BCAR1: variants seen among roughly 807,000 people sequenced by gnomAD.
The protein encoded by BCAR1 is BCAR1 scaffold protein, Cas family member, also known as breast cancer anti-estrogen resistance protein 1.
A neutral mutation model predicts 67.6 loss-of-function variants in BCAR1; 30 were observed. The ratio of observed to expected loss-of-function variants is 0.44; its 90% CI spans 0.33 to 0.60. The LOEUF (loss-of-function observed/expected upper bound fraction) is 0.60, where lower values mean the gene tolerates loss of function less well. Ranked by LOEUF, BCAR1 falls within the 20% of genes least tolerant of loss-of-function variation. The pLI, the probability that BCAR1 is intolerant of heterozygous loss-of-function variation, is 0.02. For missense variants in BCAR1, 1,313 were observed against 1,222.3 expected, an observed-to-expected ratio of 1.07 and a Z score of -1.11; for synonymous variants, 626 against 556.7, an observed-to-expected ratio of 1.12 and a Z score of -1.75.
chr16:75,236,923 G>T lies in BCAR1; in HGVS notation c.871C>A (p.Pro291Thr). Residue 291 changes from proline to threonine, a missense_variant, in exon 4 of 7, where the codon CCC becomes ACC. Pro to Thr is a conservative substitution (Grantham distance 38, BLOSUM62 -1). Coordinates refer to ENST00000162330, the MANE Select transcript of BCAR1 (RefSeq NM_014567.5). ...DPLLEVYDVPPSVEKGLPPSN... is the reference protein window; with the variant it reads ...DPLLEVYDVPTSVEKGLPPSN... ...GGTGGCAGGCCCTTCTCCACACTGGGGGGCACGTCATACACCTCCAGCAAC... is the reference window on the plus strand; with the variant it reads ...GGTGGCAGGCCCTTCTCCACACTGGTGGGCACGTCATACACCTCCAGCAAC... 1 of 1,612,822 alleles carries T rather than the reference G, an allele frequency of 6.2e-7. No individual in the cohort carries two copies.
intron 1 of BCAR1, chr16:75,266,135 C>G (rs2078005870): frequency 4.3e-6 from 3 of 695,204 alleles, no homozygotes; most frequent in South Asian, 6.5e-5. Flanking sequence ...CGCTCCTCGC[C>G]GATCCCTCGC....
In BCAR1 at chr16:75,235,847, G is replaced by C; in HGVS notation, c.1052C>G (p.Pro351Arg). 1 of 1,568,984 alleles carries C rather than the reference G, an allele frequency of 6.4e-7. No homozygotes were observed. Among genetic ancestry groups the C allele is most frequent in the Non-Finnish European group, 8.6e-7 (1 of 1,158,790 alleles). The change falls in exon 5 of 7, where the codon CCC becomes CGC. Residue 351 changes from proline (P) to arginine (R), a missense_variant. Pro to Arg is a moderately radical substitution (Grantham distance 103). Around this residue, in one of 2 missense-constraint regions of BCAR1, gnomAD observed 1,272 missense variants for 1,137.5 expected, o/e 1.12. Coordinates refer to ENST00000162330, the MANE Select transcript of BCAR1 (RefSeq NM_014567.5). The stretch of plus-strand genomic sequence containing the variant: ...CTCGGCCGGCGGGGAGTCTGGAGGG[G>C]GCGCAGCCAGTACCAGTGGGGTGCG... ...PARTPLVLAA[P>R]PPDSPPAEDV...
Position 75,242,642 on chromosome 16 carries a change from T to C in BCAR1, c.461A>G (p.His154Arg). 6.6e-7 allele frequency: 1 copy of C among 1,518,616 alleles called. No homozygotes were observed. Among genetic ancestry groups the C allele is most frequent in the African/African-American group, 1.4e-5 (1 of 71,650 alleles). 94.1% of individuals were successfully genotyped at this position (1,518,616 alleles called of 1,614,324 possible). Residue 154 changes from histidine to arginine, a missense_variant, in exon 2 of 7, where the codon CAT becomes CGT. By Grantham distance (29) the His-to-Arg change is conservative. Transcript: ENST00000162330. Reference sequence around the variant, plus strand: ...TGTGGCCGGGCTGGGAAACGGGTGATGGGGTGTCTGCTTCGAGAAGGTGGA... The same window carrying C: ...TGTGGCCGGGCTGGGAAACGGGTGACGGGGTGTCTGCTTCGAGAAGGTGGA... ...QTSTFSKQTP[H>R]HPFPSPATDL...
intron 6 of BCAR1, among the ~76,000 whole-genome samples, chr16:75,230,429 CT>C (rs1415518165): frequency 6.6e-6 from 1 of 152,102 alleles, no homozygotes; most frequent in Non-Finnish European, 1.5e-5. Flanking sequence ...TCCTGTGAAT[CT>C]ATAAATATTT....
chr16:75,240,979 G>A (rs905839878), intron 2 of BCAR1, among the ~76,000 whole-genome samples: 1 of 152,260 alleles, frequency 6.6e-6, no homozygotes, highest in African/African-American at 2.4e-5. Context: ...GCTTCCAGCC[G>A]CACCAGGACA....
chr16:75,248,148 A>C (rs1336966668), intron 1 of BCAR1: 10 of 1,592,206 alleles, frequency 6.3e-6, no homozygotes, highest in East Asian at 2.3e-5. Flanking sequence ...CCCCAGGCTG[A>C]GACACGGTGG....
chr16:75,247,178 AG>A, intron 1 of BCAR1: 1 of 154,206 alleles, frequency 6.5e-6, no homozygotes, highest in South Asian at 2.1e-4. Context: ...CCAGGACAGG[AG>A]GACAAGTCTA....
At chr16:75,233,367 T>C (rs966329068) in intron 6 of BCAR1, among the ~76,000 whole-genome samples, 9 of 150,260 alleles carry the variant, frequency 6.0e-5, no homozygotes, top group Non-Finnish European at 1.2e-4. Context: ...AACAAGATTC[T>C]GTGTCAAAAA....
chr16:75,247,696 T>G (rs538555807), intron 1 of BCAR1: 85 of 257,036 alleles, frequency 3.3e-4, no homozygotes, highest in African/African-American at 1.8e-3. Flanking sequence ...CCAGGAGTTC[T>G]CAGGAGCAGG....
At chr16:75,250,820 A>G (rs2077658451) in intron 1 of BCAR1, 2 of 985,558 alleles carry the variant, frequency 2.0e-6, no homozygotes. Flanking sequence ...GCGTGCGGCT[A>G]GGACTCCTGT....
rs1391954040 is a variant in BCAR1, at chr16:75,236,969, C to T, written c.825G>A (p.Lys275=). Residue 275 remains lysine (K), a synonymous_variant, in exon 4 of 7, where the codon AAG becomes AAA. Transcript: ENST00000162330. ...GCAACGGGTCTCGGCCATTGGGACC[C>T]TTGACAGCCATGGGGGGTGTGTCAT... ...EVYDTPPMAV[K]GPNGRDPLLE... 6.2e-7 allele frequency: 1 copy of T among 1,609,340 alleles called. No individual in the cohort carries two copies. Among genetic ancestry groups the T allele is most frequent in the East Asian group, 2.2e-5 (1 of 44,816 alleles).
chr16:75,252,205 G>C (rs2077696901), upstream of BCAR1: 1 of 1,536,470 alleles, frequency 6.5e-7, no homozygotes, highest in Non-Finnish European at 8.7e-7. Context: ...GCGAGCTCTC[G>C]ACCCAGCGCT....
chr16:75,264,261 C>G, intron 1 of BCAR1: 1 of 1,367,228 alleles, frequency 7.3e-7, no homozygotes, highest in Non-Finnish European at 9.5e-7. Context: ...GACAACCAAA[C>G]CAAATCAAAC....
chr16:75,261,123 G>C (rs8046145), intron 1 of BCAR1, among the ~76,000 whole-genome samples: 22,144 of 152,184 alleles, frequency 0.15, 1,912 homozygotes, highest in East Asian at 0.33. Context: ...CACTTCTGCC[G>C]AGGTCCCCAA....
chr16:75,235,799 G>A lies in BCAR1; in HGVS notation c.1100C>T (p.Pro367Leu), dbSNP rs200836207. 4.5e-3 allele frequency: 7,167 copies of A among 1,591,042 alleles called. 15 individuals are homozygous for A. The highest frequency in any genetic ancestry group is 5.7e-3 in the Non-Finnish European group (6,648 of 1,168,382). ...GGGCACGTCGTAGAGGTCAGGAGCCGGGGGCGGCACGTCATACACGTCCTC... is the reference window on the plus strand; with the variant it reads ...GGGCACGTCGTAGAGGTCAGGAGCCAGGGGCGGCACGTCATACACGTCCTC... ...PAEDVYDVPP[P>L]APDLYDVPPG... Residue 367 changes from proline to leucine, a missense_variant, in exon 5 of 7, where the codon CCG (proline) becomes CTG (leucine). Pro to Leu is a moderately conservative substitution (Grantham distance 98). Coordinates refer to ENST00000162330, the MANE Select transcript of BCAR1 (RefSeq NM_014567.5).
chr16:75,242,304 A>C (rs1166437813), intron 2 of BCAR1, among the ~76,000 whole-genome samples, 166 bp downstream of exon 2: 1 of 152,186 alleles, frequency 6.6e-6, no homozygotes, highest in Non-Finnish European at 1.5e-5. Context: ...TCTTCCCCGG[A>C]CAAATGAACA....
chr16:75,235,803 G>A lies in BCAR1; in HGVS notation c.1096C>T (p.Pro366Ser). 2 of 1,592,790 alleles carry A rather than the reference G, an allele frequency of 1.3e-6. No homozygotes were observed. Among genetic ancestry groups the A allele is most frequent in the South Asian group, 1.1e-5 (1 of 88,062 alleles). The change falls in exon 5 of 7, where the codon CCC (proline) becomes TCC (serine). Residue 366 changes from proline to serine, a missense_variant. Pro to Ser is a moderately conservative substitution (Grantham distance 74). Coordinates refer to ENST00000162330, the MANE Select transcript of BCAR1 (RefSeq NM_014567.5). ...PPAEDVYDVPPPAPDLYDVPP... is the reference protein window; with the variant it reads ...PPAEDVYDVPSPAPDLYDVPP... The stretch of plus-strand genomic sequence containing the variant: ...ACGTCGTAGAGGTCAGGAGCCGGGG[G>A]CGGCACGTCATACACGTCCTCGGCC...
chr16:75,267,802 C>A, intron 1 of BCAR1: 9 of 1,140,114 alleles, frequency 7.9e-6, no homozygotes, highest in Non-Finnish European at 1.1e-5. Context: ...GGAGCTGGAC[C>A]CTCCAATCCA....
In BCAR1 at chr16:75,235,203, G is replaced by A. The variant is rs765617726; in HGVS notation, c.1696C>T (p.Arg566Trp). ...VAHGQALDAGRGGSGATLEDL... is the reference protein window; with the variant it reads ...VAHGQALDAGWGGSGATLEDL... ...TCAAGGGTGGCTCCAGAGCCTCCCC[G>A]GCCAGCGTCGAGGGCCTGACCATGT... The change falls in exon 5 of 7, where the codon CGG becomes TGG. Residue 566 changes from arginine to tryptophan, a missense_variant. By Grantham distance (101) the Arg-to-Trp change is moderately radical. Around this residue, in one of 2 missense-constraint regions of BCAR1, gnomAD observed 1,272 missense variants for 1,137.5 expected, o/e 1.12. Coordinates refer to ENST00000162330, the MANE Select transcript of BCAR1 (RefSeq NM_014567.5). The A allele has an allele frequency of 1.9e-5, 30 of 1,608,034 alleles. No homozygotes were observed. Among genetic ancestry groups the A allele is most frequent in the East Asian group, 1.6e-4 (7 of 44,820 alleles).
Sources: allele counts gnomAD v4.1 joint callset (sites outside exome capture counted in the v4.1 genomes callset), GRCh38; gene constraint gnomAD v4.1.1; regional missense constraint gnomAD v4.1.1; transcripts MANE v1.5; gene names NCBI Gene and HGNC (gene_info 2026-07-23, HGNC 2026-07-21).